BPIFB1: variants seen among roughly 807,000 people sequenced by gnomAD.
BPIFB1 encodes BPI fold-containing family B member 1.
A neutral mutation model predicts 55.1 loss-of-function variants in BPIFB1; 34 were observed. That is an observed-to-expected ratio of 0.62 (90% CI 0.47 to 0.82). BPIFB1 has a LOEUF of 0.82. Ranked by LOEUF, BPIFB1 falls within the 40% of genes least tolerant of loss-of-function variation. BPIFB1 has a pLI of 0.00. For missense variants in BPIFB1, 532 were observed against 593.1 expected (o/e 0.90, Z 1.07); for synonymous variants, 236 against 245.3 (o/e 0.96, Z 0.35).
intron 6 of BPIFB1, among the ~76,000 whole-genome samples, chr20:33,297,254 G>C (rs1324047488): frequency 6.6e-6 from 1 of 152,244 alleles, no homozygotes; most frequent in Non-Finnish European, 1.5e-5. Flanking sequence ...ATAGACACCT[G>C]TGAGCAAGAC....
chr20:33,301,106 G>A (rs1368836507), intron 8 of BPIFB1, 127 bp from the exon 9 acceptor site: 3 of 932,938 alleles, frequency 3.2e-6, no homozygotes, highest in Non-Finnish European at 4.9e-6. Flanking sequence ...CTGAGCTCCA[G>A]GCTAAGCTTC....
intron 14 of BPIFB1, among the ~76,000 whole-genome samples, chr20:33,306,329 T>C (rs1250839109): frequency 3.3e-5 from 5 of 152,126 alleles, no homozygotes; most frequent in Non-Finnish European, 1.5e-5. Context: ...ATGAGAGCAA[T>C]GACAGAGGTG....
At chr20:33,286,233 T>C in intron 2 of BPIFB1, 45 bp downstream of exon 2, 1 of 1,544,196 alleles carries the variant, frequency 6.5e-7, no homozygotes, top group East Asian at 2.3e-5. Context: ...GACAAGGGGG[T>C]AGGTGGAGCA....
chr20:33,293,153 C>T (rs905050359), intron 6 of BPIFB1, among the ~76,000 whole-genome samples: 1 of 152,220 alleles, frequency 6.6e-6, no homozygotes. Context: ...AAACCCCTGA[C>T]CTCAGGTGAT....
chr20:33,303,784 C>A (rs1172452443), intron 11 of BPIFB1, among the ~76,000 whole-genome samples, 174 bp from the exon 12 acceptor site: 2 of 152,116 alleles, frequency 1.3e-5, no homozygotes, highest in Non-Finnish European at 2.9e-5. Context: ...GGAGTGGAGG[C>A]AAGTACTATC....
In BPIFB1 at chr20:33,297,731, T is replaced by G. The variant is rs1980702290; in HGVS notation, c.661+143T>G. 8.4e-6 allele frequency: 7 copies of G among 833,424 alleles called. No individual in the cohort carries two copies. In the East Asian group the frequency reaches 1.7e-4, roughly 20 times the overall value. The allele number at this position is 833,424 out of a possible 1,614,324, so 51.6% of individuals were successfully genotyped here. On this transcript the variant is annotated intron_variant, in intron 7 of 15. Transcript: ENST00000253354. Reference sequence around the variant, plus strand: ...AGCAGGTGAGACAAGCATCAGTTGATCCCTGCCCCAGACGCGCAGACAGAA... The same window carrying G: ...AGCAGGTGAGACAAGCATCAGTTGAGCCCTGCCCCAGACGCGCAGACAGAA...
intron 1 of BPIFB1, among the ~76,000 whole-genome samples, chr20:33,284,080 T>A (rs1266013068): frequency 6.6e-6 from 1 of 152,210 alleles, no homozygotes; most frequent in Non-Finnish European, 1.5e-5. Flanking sequence ...GTCATAATTA[T>A]CGTGGAAGCT....
At chr20:33,306,837 G>A in intron 14 of BPIFB1, 74 bp from the exon 15 acceptor site, 1 of 1,313,578 alleles carries the variant, frequency 7.6e-7, no homozygotes, top group African/African-American at 1.4e-5. Flanking sequence ...TCCCCTTCAG[G>A]AACCCTGAGC....
At chr20:33,301,101 C>T in intron 8 of BPIFB1, 132 bp from the exon 9 acceptor site, 1 of 861,140 alleles carries the variant, frequency 1.2e-6, no homozygotes, top group Non-Finnish European at 1.8e-6. Flanking sequence ...CACACCTGAG[C>T]TCCAGGCTAA....
chr20:33,308,913 CAG>C (rs1455249796), intron 15 of BPIFB1, among the ~76,000 whole-genome samples: 2 of 151,082 alleles, frequency 1.3e-5, no homozygotes, highest in African/African-American at 4.9e-5. Flanking sequence ...CACACATACA[CAG>C]AGACGCACAC....
At chr20:33,299,226 C>A (rs753428406) in intron 7 of BPIFB1, 2 of 453,818 alleles carry the variant, frequency 4.4e-6, no homozygotes, top group East Asian at 1.4e-4. Flanking sequence ...CTCCCTGGAG[C>A]GGTAGGCGGC....
rs146614812 is a variant in BPIFB1, at chr20:33,299,752, C to T, written c.662-147C>T. ...TAAATGTCACTGTCATCACTGTTTG[C>T]ATCATTATTATCAACATCATTATTA... On this transcript the variant is annotated intron_variant, in intron 7 of 15. Transcript: ENST00000253354. The T allele has an allele frequency of 1.1e-3, 698 of 663,512 alleles. 1 individual carries two copies. Among genetic ancestry groups the T allele is most frequent in the Non-Finnish European group, 1.7e-3 (618 of 363,872 alleles). 41.1% of individuals were successfully genotyped at this position (663,512 alleles called of 1,614,324 possible). A position where few individuals can be genotyped will look rare whatever the true frequency, so the allele number is the denominator to read the frequency against.
At position 33,291,908 on chromosome 20, in the gene BPIFB1, C is replaced by T. The variant is rs1980484788; in HGVS notation, c.517C>T (p.Leu173Phe). 1.9e-6 allele frequency: 3 copies of T among 1,613,890 alleles called. No individual in the cohort carries two copies. Among genetic ancestry groups the T allele is most frequent in the Non-Finnish European group, 2.5e-6 (3 of 1,179,856 alleles). Residue 173 changes from leucine to phenylalanine, a missense_variant and splice_region_variant, in exon 6 of 16, where the codon CTC becomes TTC. Leu to Phe is a conservative substitution (Grantham distance 22, BLOSUM62 0). Coordinates refer to ENST00000253354, the MANE Select transcript of BPIFB1 (RefSeq NM_033197.3). ...CTCTCGTGCTCTCTTCCCTGAAAGG[C>T]TCTCCTTCCTGGTGAACGCCTTAGC... ...GSLRIQLLHK[L>F]SFLVNALAKQ...
Position 33,290,950 on chromosome 20 carries a change from C to A in BPIFB1, c.366-7C>A, listed in dbSNP as rs1173281164. 2 of 1,613,032 alleles carry A rather than the reference C, an allele frequency of 1.2e-6. No individual in the cohort carries two copies. Among genetic ancestry groups the A allele is most frequent in the Admixed American group, 1.7e-5 (1 of 60,000 alleles). On this transcript the variant is annotated splice_polypyrimidine_tract_variant and splice_region_variant and intron_variant, in intron 4 of 15. Coordinates refer to ENST00000253354, the MANE Select transcript of BPIFB1 (RefSeq NM_033197.3). ...TGCTCACATGGTCAGGTGCCTCCAC[C>A]CGCTAGGCCCCTGGTCAAGACCATC...
intron 4 of BPIFB1, 40 bp downstream of exon 4, chr20:33,290,032 C>T (rs1301008221): frequency 6.7e-7 from 1 of 1,484,612 alleles, no homozygotes; most frequent in Non-Finnish European, 9.4e-7. Context: ...GCTTGACAGG[C>T]TCATCTGCTC....
rs201104347 is a variant in BPIFB1, at chr20:33,297,636, G to A, written c.661+48G>A. On this transcript the variant is annotated intron_variant, in intron 7 of 15. Coordinates refer to ENST00000253354, the MANE Select transcript of BPIFB1 (RefSeq NM_033197.3). ...CACTTTTTCCTTTACTACGGAGCTG[G>A]CCTCCAGACCCTGACTCCACCAAGG... 51 of 1,603,460 alleles carry A rather than the reference G, an allele frequency of 3.2e-5. No homozygotes were observed. The Admixed American group carries it at 8.2e-4, about 26-fold the overall frequency.
At chr20:33,302,476 G>A (rs1980885078) in intron 10 of BPIFB1, 64 bp downstream of exon 10, 1 of 1,558,088 alleles carries the variant, frequency 6.4e-7, no homozygotes, top group South Asian at 1.1e-5. Flanking sequence ...AGGCCTCTGG[G>A]GAGGAGAATC....
At position 33,289,395 on chromosome 20, in the gene BPIFB1, CA is replaced by C. The variant is rs1267786219; in HGVS notation, c.258-477del. On this transcript the variant is annotated intron_variant, in intron 3 of 15. Transcript: ENST00000253354. ...AGATTCTGTCTCAAAAAAAAAAAAA[CA>C]AAAAAAAAAAAACAACCCAGAGCAA... Among the ~76,000 whole-genome samples the C allele has an allele frequency of 3.4e-4, 36 of 105,830 alleles. 1 individual carries two copies. Among genetic ancestry groups the C allele is most frequent in the Admixed American group, 8.5e-4 (9 of 10,650 alleles). 69.4% of individuals were successfully genotyped at this position (105,830 alleles called of 152,430 possible).
Position 33,286,105 on chromosome 20 carries a change from G to A in BPIFB1, c.32G>A (p.Cys11Tyr). ...GGCCCGTGGACCTTCACCCTTCTCTGTGGTTTGCTGGCAGCCACCTTGATC... is the reference window on the plus strand; with the variant it reads ...GGCCCGTGGACCTTCACCCTTCTCTATGGTTTGCTGGCAGCCACCTTGATC... Reference protein sequence around the residue: MAGPWTFTLLCGLLAATLIQA... With the variant: MAGPWTFTLLYGLLAATLIQA... Residue 11 changes from cysteine (C) to tyrosine (Y), a missense_variant, in exon 2 of 16, where the codon TGT becomes TAT. By Grantham distance (194) the Cys-to-Tyr change is radical. Coordinates refer to ENST00000253354, the MANE Select transcript of BPIFB1 (RefSeq NM_033197.3). The A allele has an allele frequency of 6.2e-7, 1 of 1,614,184 alleles. No individual in the cohort carries two copies. The highest frequency in any genetic ancestry group is 8.5e-7 in the Non-Finnish European group (1 of 1,180,022).
Sources: gnomAD v4.1 joint callset for allele counts (sites outside exome capture counted in the v4.1 genomes callset) on GRCh38, gnomAD v4.1.1 for gene constraint, MANE v1.5 for transcripts, NCBI Gene and HGNC (gene_info 2026-07-23, HGNC 2026-07-21) for gene names.